Variants in NRXN3 observed in about 807,000 individuals in gnomAD.
The protein encoded by NRXN3 is neurexin 3.
Under a neutral mutation model 137.6 loss-of-function variants are expected in NRXN3, and 32 were observed. The ratio of observed to expected loss-of-function variants is 0.23; its 90% CI spans 0.18 to 0.31. NRXN3 has a LOEUF of 0.31. Among genes scored for constraint, NRXN3 ranks in the 10% least tolerant of loss-of-function variants. The pLI, the probability that NRXN3 is intolerant of heterozygous loss-of-function variation, is 1.00. For missense variants in NRXN3, 1,574 were observed against 2,062.5 expected (o/e 0.76, Z 4.59); for synonymous variants, 798 against 784.5 (o/e 1.02, Z -0.29).
At chr14:79,277,339 TC>T (rs2080445009) in intron 15 of NRXN3, among the ~76,000 whole-genome samples, 1 of 152,046 alleles carries the variant, frequency 6.6e-6, no homozygotes, top group Middle Eastern at 3.4e-3. Context: ...TTAAGCAGAG[TC>T]ATCTAGGCCG....
At chr14:78,235,169 A>G in intron 1 of NRXN3, among the ~76,000 whole-genome samples, 1 of 151,478 alleles carries the variant, frequency 6.6e-6, no homozygotes, top group East Asian at 1.9e-4. Context: ...CTTTCCATTT[A>G]TCTCCATCAA....
intron 15 of NRXN3, among the ~76,000 whole-genome samples, chr14:79,041,199 A>G (rs2099624519): frequency 6.6e-6 from 1 of 152,160 alleles, no homozygotes; most frequent in South Asian, 2.1e-4. Context: ...CATTATTGTC[A>G]CTGTTTCTCC....
intron 10 of NRXN3, among the ~76,000 whole-genome samples, chr14:78,944,563 T>C (rs2099361565): frequency 6.6e-6 from 1 of 152,160 alleles, no homozygotes; most frequent in African/African-American, 2.4e-5. Flanking sequence ...GATGGTGTCC[T>C]CATCAGAAGA....
At chr14:78,713,939 C>T (rs1346394099) in intron 7 of NRXN3, among the ~76,000 whole-genome samples, 1 of 152,178 alleles carries the variant, frequency 6.6e-6, no homozygotes, top group Admixed American at 6.5e-5. Context: ...GGAACACAGC[C>T]AAACCATATC....
intron 3 of NRXN3, among the ~76,000 whole-genome samples, chr14:78,287,659 T>G (rs964323538): frequency 6.6e-6 from 1 of 152,226 alleles, no homozygotes; most frequent in Admixed American, 6.5e-5. Flanking sequence ...AGCTCTTTCT[T>G]ATCTCTAGTT....
intron 4 of NRXN3, among the ~76,000 whole-genome samples, chr14:78,505,517 A>G (rs551039535): frequency 6.6e-6 from 1 of 152,246 alleles, no homozygotes; most frequent in East Asian, 1.9e-4. Flanking sequence ...GTATGTTTCA[A>G]AATAACCAAG....
chr14:78,871,239 G>C (rs1053891281), intron 10 of NRXN3, among the ~76,000 whole-genome samples: 9 of 151,358 alleles, frequency 5.9e-5, no homozygotes, highest in African/African-American at 2.2e-4. Flanking sequence ...CTGTCTTTTG[G>C]ATAAAAGCCA....
intron 10 of NRXN3, among the ~76,000 whole-genome samples, chr14:78,894,040 G>T (rs2099166709): frequency 6.6e-6 from 1 of 151,932 alleles, no homozygotes. Flanking sequence ...TCTTACTTGT[G>T]AAGGGTCTTG....
At chr14:78,220,266 A>G (rs1047586536) in intron 1 of NRXN3, among the ~76,000 whole-genome samples, 4 of 152,056 alleles carry the variant, frequency 2.6e-5, no homozygotes, top group Non-Finnish European at 4.4e-5. Context: ...AGATCTGGAG[A>G]TGGAGCTCCA....
At chr14:79,097,760 A>G (rs952658884) in intron 15 of NRXN3, among the ~76,000 whole-genome samples, 4 of 152,192 alleles carry the variant, frequency 2.6e-5, no homozygotes, top group African/African-American at 9.7e-5. Flanking sequence ...TTTTTCATGT[A>G]AATGTAGTAT....
chr14:78,340,652 T>C (rs1218398606), intron 4 of NRXN3, among the ~76,000 whole-genome samples: 1 of 152,132 alleles, frequency 6.6e-6, no homozygotes, highest in Non-Finnish European at 1.5e-5. Flanking sequence ...AAAGATGGCC[T>C]GGGTTTCCTG....
intron 4 of NRXN3, among the ~76,000 whole-genome samples, chr14:78,639,314 A>G (rs1392917177): frequency 2.0e-5 from 3 of 152,228 alleles, no homozygotes; most frequent in Admixed American, 1.3e-4. Flanking sequence ...GCATGCTACA[A>G]TGAGAACAAT....
chr14:78,229,877 GAGGGGA>G (rs1855467786), intron 1 of NRXN3, among the ~76,000 whole-genome samples: 1 of 152,158 alleles, frequency 6.6e-6, no homozygotes, highest in Non-Finnish European at 1.5e-5. Context: ...GTTGGCAGTG[GAGGGGA>G]TAATAAGTGG....
intron 15 of NRXN3, among the ~76,000 whole-genome samples, chr14:79,015,850 G>A (rs567890473): frequency 6.6e-6 from 1 of 152,144 alleles, no homozygotes; most frequent in African/African-American, 2.4e-5. Context: ...TGAATTCTCT[G>A]GCAGAATGTG....
chr14:78,778,659 CCTTTT>C (rs2098752564), intron 8 of NRXN3, among the ~76,000 whole-genome samples: 1 of 148,540 alleles, frequency 6.7e-6, no homozygotes, highest in Non-Finnish European at 1.5e-5. Context: ...CCCTTCTTTT[CCTTTT>C]CTTTTCTCTT....
At chr14:78,345,804 A>G (rs1266391856) in intron 4 of NRXN3, among the ~76,000 whole-genome samples, 1 of 152,156 alleles carries the variant, frequency 6.6e-6, no homozygotes, top group Admixed American at 6.5e-5. Context: ...ACCGGCTGCC[A>G]CTTGTTGCAA....
intron 15 of NRXN3, among the ~76,000 whole-genome samples, chr14:79,037,188 A>G (rs552018852): frequency 7.9e-5 from 12 of 152,210 alleles, no homozygotes; most frequent in Non-Finnish European, 1.5e-4. Context: ...GGGAAGATTC[A>G]CCTAAAGATT....
intron 20 of NRXN3, chr14:79,853,898 A>G: frequency 1.0e-6 from 1 of 992,268 alleles, no homozygotes; most frequent in African/African-American, 1.7e-5. Flanking sequence ...TTTCAATCAT[A>G]GCAATCGGAA....
At chr14:79,019,549 A>G (rs1012665679) in intron 15 of NRXN3, among the ~76,000 whole-genome samples, 5 of 152,180 alleles carry the variant, frequency 3.3e-5, no homozygotes, top group Non-Finnish European at 5.9e-5. Context: ...GTGCACTTGA[A>G]TAGAGATTGA....
Sources: allele counts gnomAD v4.1 joint callset (sites outside exome capture counted in the v4.1 genomes callset), GRCh38; gene constraint gnomAD v4.1.1; transcripts MANE v1.5; gene names NCBI Gene and HGNC (gene_info 2026-07-23, HGNC 2026-07-21).